The following MROH9 variants were observed in gnomAD, a reference collection of about 807,000 sequenced individuals.
The protein encoded by MROH9 is maestro heat-like repeat-containing protein family member 9.
In MROH9, 92 loss-of-function variants were observed where a neutral mutation model predicts 98.2. That is an observed-to-expected ratio of 0.94 (90% CI 0.79 to 1.11). The LOEUF is 1.11. Ranked by LOEUF, MROH9 falls within the 50% of genes most tolerant of loss-of-function variation. The probability of loss-of-function intolerance (pLI) is 0.00; values close to 1 mark genes in which losing one functional copy is unlikely to be tolerated. For synonymous variants in MROH9, 397 were observed against 368.9 expected, an observed-to-expected ratio of 1.08 and a Z score of -0.87; for missense variants, 1,057 against 1,014.8, an observed-to-expected ratio of 1.04 and a Z score of -0.57.
intron 3 of MROH9, among the ~76,000 whole-genome samples, chr1:170,956,762 C>G (rs1398900926): frequency 6.6e-6 from 1 of 151,724 alleles, no homozygotes; most frequent in Non-Finnish European, 1.5e-5. Context: ...CTGGAGGAGT[C>G]TTTAGGGTCT....
At chr1:171,001,733 C>T (rs779730340) in intron 15 of MROH9, among the ~76,000 whole-genome samples, 5 of 152,078 alleles carry the variant, frequency 3.3e-5, no homozygotes, top group Non-Finnish European at 7.4e-5. Flanking sequence ...GGATGAAATA[C>T]TCTGTATATA....
At position 170,971,708 on chromosome 1, in the gene MROH9, A is replaced by G. The variant is rs555905448; in HGVS notation, c.481-40A>G. ...GCATGCAGACATTTTCATATTGGCT[A>G]TGCATAGCAAATGCATGTTCTCCTT... On this transcript the variant is annotated intron_variant, in intron 7 of 21. Coordinates refer to ENST00000367759, the MANE Select transcript of MROH9 (RefSeq NM_001163629.2). 4.3e-6 allele frequency: 7 copies of G among 1,610,008 alleles called. No individual in the cohort carries two copies. The South Asian group carries it at 7.7e-5, about 18-fold the overall frequency.
In MROH9 at chr1:171,016,249, C is replaced by A; in HGVS notation, c.1821C>A (p.Thr607=). The part of the protein sequence containing the change: ...DDNVVLQALL[T]LRRLLNELDK... The stretch of plus-strand genomic sequence containing the variant: ...ATGTTGTACTTCAGGCCTTGCTCAC[C>A]CTTAGAAGGCTTTTAAACGAACTGG... The change falls in exon 17 of 22, where the codon ACC becomes ACA. Residue 607 remains threonine, a synonymous_variant. Coordinates refer to ENST00000367759, the MANE Select transcript of MROH9 (RefSeq NM_001163629.2). 1.9e-6 allele frequency: 3 copies of A among 1,540,444 alleles called. No homozygotes were observed. Among genetic ancestry groups the A allele is most frequent in the South Asian group, 2.4e-5 (2 of 81,804 alleles).
chr1:171,063,487 C>T lies in MROH9; in HGVS notation c.2345-612C>T, dbSNP rs576572600. On this transcript the variant is annotated intron_variant, in intron 21 of 21. Transcript: ENST00000367759. The stretch of plus-strand genomic sequence containing the variant: ...CAGGATGGTCTCGATCTCCTGACCC[C>T]GAGATCCACCTGCCTCGGTCTCCCG... Among the ~76,000 whole-genome samples the T allele has an allele frequency of 8.5e-4, 129 of 152,196 alleles. 2 individuals are homozygous for T. The South Asian group carries it at 0.024, about 28-fold the overall frequency.
rs141220730 is a variant in MROH9 at position 171,039,575 on chromosome 1, T to C, written c.2281+14155T>C. 1.9e-4 allele frequency among the ~76,000 whole-genome samples: 29 copies of C among 152,292 alleles called. No individual in the cohort carries two copies. The East Asian group carries it at 3.5e-3, about 18-fold the overall frequency. ...GCTAAATTATCATTAGCCCATATCA[T>C]AGACATATCCTCCCGCTTAGCTGTG... On this transcript the variant is annotated intron_variant, in intron 20 of 21. Transcript: ENST00000367759.
intron 7 of MROH9, among the ~76,000 whole-genome samples, chr1:170,965,746 G>A (rs1457181422): frequency 6.6e-6 from 1 of 151,992 alleles, no homozygotes; most frequent in Non-Finnish European, 1.5e-5. Flanking sequence ...CATGATGTGT[G>A]TCCTAACAAA....
rs538694159 is a variant in MROH9 at position 170,964,221 on chromosome 1, T to C, written c.376-930T>C. 7.9e-5 allele frequency among the ~76,000 whole-genome samples: 12 copies of C among 152,206 alleles called. No individual in the cohort carries two copies. In the South Asian group the frequency reaches 2.5e-3, roughly 32 times the overall value. On this transcript the variant is annotated intron_variant, in intron 6 of 21. Coordinates refer to ENST00000367759, the MANE Select transcript of MROH9 (RefSeq NM_001163629.2). ...GAGAAAGGAGCAATAATATATATAATGCTAATGTGTGGAGGAGCCCCTCTA... is the reference window on the plus strand; with the variant it reads ...GAGAAAGGAGCAATAATATATATAACGCTAATGTGTGGAGGAGCCCCTCTA...
intron 15 of MROH9, among the ~76,000 whole-genome samples, chr1:171,009,535 G>A (rs761923040): frequency 1.3e-5 from 2 of 152,094 alleles, no homozygotes; most frequent in Non-Finnish European, 2.9e-5. Flanking sequence ...GTAAAAGGAA[G>A]GCAATAAAAA....
chr1:170,939,682 T>G (rs1373582982), intron 1 of MROH9, among the ~76,000 whole-genome samples: 2 of 152,208 alleles, frequency 1.3e-5, no homozygotes, highest in Non-Finnish European at 2.9e-5. Context: ...GATGGAGTAC[T>G]GCCGTGCACA....
chr1:171,050,233 A>G (rs976051892), intron 20 of MROH9, among the ~76,000 whole-genome samples: 1 of 151,960 alleles, frequency 6.6e-6, no homozygotes, highest in African/African-American at 2.4e-5. Flanking sequence ...AGTTTTCCCT[A>G]ATTTTTCTTT....
At chr1:171,006,851 G>C (rs1198888263) in intron 15 of MROH9, among the ~76,000 whole-genome samples, 1 of 90,774 alleles carries the variant, frequency 1.1e-5, no homozygotes, top group Non-Finnish European at 2.3e-5. Context: ...TCTCTTTCTG[G>C]TTCATGCATT....
intron 15 of MROH9, among the ~76,000 whole-genome samples, chr1:171,005,714 C>T (rs969037101): frequency 2.6e-5 from 4 of 152,090 alleles, no homozygotes; most frequent in African/African-American, 9.7e-5. Context: ...ATGGCATCTG[C>T]AAAGACAGAA....
intron 7 of MROH9, 103 bp from the exon 8 acceptor site, chr1:170,971,645 A>T (rs1170172977): frequency 3.8e-6 from 5 of 1,321,774 alleles, no homozygotes; most frequent in Non-Finnish European, 5.3e-6. Flanking sequence ...TCTGAAGCTT[A>T]TCTTAGAATC....
intron 9 of MROH9, among the ~76,000 whole-genome samples, chr1:170,984,633 A>C (rs891316941): frequency 8.5e-5 from 13 of 152,122 alleles, no homozygotes; most frequent in Non-Finnish European, 1.5e-4. Flanking sequence ...GGCCTCTCCT[A>C]AGCTGTTCAT....
chr1:171,057,488 A>T (rs1246729866), intron 20 of MROH9, among the ~76,000 whole-genome samples: 1 of 152,184 alleles, frequency 6.6e-6, no homozygotes, highest in African/African-American at 2.4e-5. Flanking sequence ...AACCAGTGAT[A>T]GACTGGAATA....
At chr1:170,979,478 C>A (rs1303559817) in intron 8 of MROH9, among the ~76,000 whole-genome samples, 1 of 152,068 alleles carries the variant, frequency 6.6e-6, no homozygotes, top group African/African-American at 2.4e-5. Flanking sequence ...TATTTATAGG[C>A]AGAAAAACAA....
chr1:170,971,340 C>T (rs568009869), intron 7 of MROH9, among the ~76,000 whole-genome samples: 7 of 152,100 alleles, frequency 4.6e-5, no homozygotes, highest in African/African-American at 1.7e-4. Flanking sequence ...TCTAGTGTTT[C>T]GTATGTGAAG....
At chr1:170,971,572 T>C (rs1473812021) in intron 7 of MROH9, among the ~76,000 whole-genome samples, 176 bp from the exon 8 acceptor site, 1 of 152,214 alleles carries the variant, frequency 6.6e-6, no homozygotes, top group African/African-American at 2.4e-5. Flanking sequence ...TTGTCTTCAT[T>C]TCACAGATGA....
chr1:171,009,204 G>A (rs780281921), intron 15 of MROH9, among the ~76,000 whole-genome samples: 1 of 151,736 alleles, frequency 6.6e-6, no homozygotes, highest in Non-Finnish European at 1.5e-5. Flanking sequence ...TAGTTTCGAC[G>A]CATAAAGTTA....
Sources: allele counts gnomAD v4.1 joint callset (sites outside exome capture counted in the v4.1 genomes callset), GRCh38; gene constraint gnomAD v4.1.1; transcripts MANE v1.5; gene names NCBI Gene and HGNC (gene_info 2026-07-23, HGNC 2026-07-21).